Variants in CNIH3 observed in about 807,000 individuals in gnomAD.
CNIH3 encodes the protein protein cornichon homolog 3.
Under a neutral mutation model 24.1 loss-of-function variants are expected in CNIH3, and 14 were observed. That is an observed-to-expected ratio of 0.58 (90% CI 0.38 to 0.91). CNIH3 has a LOEUF of 0.91. Ranked by LOEUF, CNIH3 falls within the 40% of genes least tolerant of loss-of-function variation. The probability of loss-of-function intolerance (pLI) is 0.00; values close to 1 mark genes in which losing one functional copy is unlikely to be tolerated. For synonymous variants in CNIH3, 68 were observed against 73.8 expected (o/e 0.92, Z 0.40); for missense variants, 178 against 196.8 (o/e 0.90, Z 0.57).
chr1:224,656,111 T>A (rs1336684170), intron 1 of CNIH3, among the ~76,000 whole-genome samples: 2 of 152,162 alleles, frequency 1.3e-5, no homozygotes, highest in African/African-American at 4.8e-5. Context: ...TTTCTATTGA[T>A]CAATTCCTCA....
At chr1:224,641,016 G>A (rs1015317627) in intron 1 of CNIH3, among the ~76,000 whole-genome samples, 15 of 152,186 alleles carry the variant, frequency 9.9e-5, no homozygotes, top group African/African-American at 3.6e-4. Context: ...TACTTTGCAT[G>A]TGCTATATTT....
chr1:224,473,817 C>T (rs1030708514), intron 1 of CNIH3, among the ~76,000 whole-genome samples: 6 of 152,144 alleles, frequency 3.9e-5, no homozygotes, highest in African/African-American at 1.2e-4. Context: ...ATTTACAGAA[C>T]GTTTCATCCA....
At chr1:224,478,829 G>A (rs1271753411) in intron 1 of CNIH3, among the ~76,000 whole-genome samples, 1 of 152,174 alleles carries the variant, frequency 6.6e-6, no homozygotes, top group Non-Finnish European at 1.5e-5. Context: ...CACAATCATG[G>A]CAGAAGGCAA....
At chr1:224,513,475 T>G (rs1678253252), upstream of CNIH3, among the ~76,000 whole-genome samples, 1 of 151,936 alleles carries the variant, frequency 6.6e-6, no homozygotes, top group Admixed American at 6.5e-5. Context: ...CCCCTGGGCC[T>G]GGCCAGCTTG....
intron 1 of CNIH3, among the ~76,000 whole-genome samples, chr1:224,484,148 G>A (rs1676931549): frequency 6.9e-6 from 1 of 144,130 alleles, no homozygotes; most frequent in African/African-American, 2.6e-5. Context: ...TCTAGCCTGG[G>A]CAACAAGAGC....
chr1:224,610,201 T>C (rs2125050601), intron 3 of CNIH3, among the ~76,000 whole-genome samples: 1 of 152,346 alleles, frequency 6.6e-6, no homozygotes, highest in Non-Finnish European at 1.5e-5. Flanking sequence ...AGGTTCGATG[T>C]ATTAAATGCA....
At position 224,734,561 on chromosome 1, in the gene CNIH3, A is replaced by G; in HGVS notation, c.312-2A>G. 1 of 1,614,062 alleles carries G rather than the reference A, an allele frequency of 6.2e-7. No homozygotes were observed. Among genetic ancestry groups the G allele is most frequent in the South Asian group, 1.1e-5 (1 of 91,058 alleles). On this transcript the variant is annotated splice_acceptor_variant, in intron 4 of 5. Coordinates refer to ENST00000272133, the MANE Select transcript of CNIH3 (RefSeq NM_152495.2). LOFTEE classifies it high-confidence loss of function. ...AGACAATGATGTCCTCTCTCCCTGC[A>G]GGTATTTCCACTGTCCAGCAGATAG... is the stretch of plus-strand genomic sequence containing the variant.
intron 4 of CNIH3, among the ~76,000 whole-genome samples, chr1:224,570,742 T>A (rs929868971): frequency 1.1e-4 from 16 of 152,210 alleles, no homozygotes; most frequent in Admixed American, 7.2e-4. Flanking sequence ...AAACTATTTA[T>A]ACAACAACTT....
intron 1 of CNIH3, among the ~76,000 whole-genome samples, chr1:224,627,693 G>A (rs1683606238): frequency 6.6e-6 from 1 of 152,200 alleles, no homozygotes; most frequent in South Asian, 2.1e-4. Context: ...AGTCTGCTCT[G>A]TGACTCTGGA....
intron 3 of CNIH3, among the ~76,000 whole-genome samples, chr1:224,721,492 G>A (rs1162687440): frequency 6.6e-6 from 1 of 152,224 alleles, no homozygotes; most frequent in Non-Finnish European, 1.5e-5. Context: ...CTTAAAATAT[G>A]TGGTATTATT....
intron 1 of CNIH3, among the ~76,000 whole-genome samples, chr1:224,449,648 AC>A (rs1292042760): frequency 2.0e-5 from 3 of 151,922 alleles, no homozygotes; most frequent in South Asian, 4.1e-4. Context: ...ACACACCACC[AC>A]CCCCGGCTAC....
At chr1:224,534,680 G>C (rs1679212627) in intron 2 of CNIH3, among the ~76,000 whole-genome samples, 1 of 152,182 alleles carries the variant, frequency 6.6e-6, no homozygotes, top group Non-Finnish European at 1.5e-5. Context: ...CATGAACATG[G>C]AGTCCTTTTC....
chr1:224,434,657 G>T, upstream of CNIH3: 4 of 773,538 alleles, frequency 5.2e-6, no homozygotes, highest in Non-Finnish European at 6.3e-6. Flanking sequence ...GGGGCGCGGG[G>T]CCCGCCGCTG....
rs894466515 is a variant in CNIH3 at position 224,616,612 on chromosome 1, C to G, written c.-563C>G. On this transcript the variant is annotated 5_prime_UTR_variant, in exon 1 of 6. Coordinates refer to ENST00000272133, the MANE Select transcript of CNIH3 (RefSeq NM_152495.2). Reference sequence around the variant, plus strand: ...CCTCCTCCCGGCTACCTAAAGACTCCTTCTCTCGGGAAAGAGCGCTGCCCG... The same window carrying G: ...CCTCCTCCCGGCTACCTAAAGACTCGTTCTCTCGGGAAAGAGCGCTGCCCG... The G allele has an allele frequency of 2.0e-5, 20 of 987,092 alleles. No homozygotes were observed. Among genetic ancestry groups the G allele is most frequent in the Non-Finnish European group, 2.4e-5 (20 of 831,148 alleles). The allele number at this position is 987,092 out of a possible 1,614,324, so 61.1% of individuals were successfully genotyped here.
chr1:224,693,968 G>A (rs370181046), intron 3 of CNIH3, among the ~76,000 whole-genome samples: 27 of 152,236 alleles, frequency 1.8e-4, no homozygotes, highest in African/African-American at 5.5e-4. Context: ...GGGGGGCCAC[G>A]GTAGAGAGAC....
chr1:224,583,474 C>T (rs1041783368), intron 5 of CNIH3, among the ~76,000 whole-genome samples: 1 of 152,106 alleles, frequency 6.6e-6, no homozygotes, highest in African/African-American at 2.4e-5. Flanking sequence ...AGACACCCAT[C>T]AACTCTCCCG....
chr1:224,524,843 G>A (rs1339508118), intron 2 of CNIH3, among the ~76,000 whole-genome samples: 3 of 152,268 alleles, frequency 2.0e-5, no homozygotes, highest in South Asian at 4.2e-4. Context: ...TGATCACAGT[G>A]GTTGATTCAG....
chr1:224,483,261 A>G (rs1416988991), intron 1 of CNIH3, among the ~76,000 whole-genome samples: 1 of 152,146 alleles, frequency 6.6e-6, no homozygotes, highest in African/African-American at 2.4e-5. Context: ...GAGGCACAAG[A>G]ATTGCTTGAA....
intron 1 of CNIH3, among the ~76,000 whole-genome samples, chr1:224,627,061 G>A (rs1326489165): frequency 4.6e-5 from 7 of 152,142 alleles, no homozygotes; most frequent in African/African-American, 1.2e-4. Context: ...GGAGAACAGG[G>A]CTCTTGGTGT....
Sources: gnomAD v4.1 joint callset for allele counts (sites outside exome capture counted in the v4.1 genomes callset) on GRCh38, gnomAD v4.1.1 for gene constraint, MANE v1.5 for transcripts, NCBI Gene and HGNC (gene_info 2026-07-23, HGNC 2026-07-21) for gene names.